NDRG3: variants seen among roughly 807,000 people sequenced by gnomAD.
NDRG3 encodes the protein NDRG family member 3, also known as protein NDRG3.
NDRG3 carries 23 observed loss-of-function variants against 57.2 expected under a neutral mutation model. That is an observed-to-expected ratio of 0.40 (90% CI 0.29 to 0.57). The LOEUF (loss-of-function observed/expected upper bound fraction) is 0.57. Among genes scored for constraint, NDRG3 ranks in the 20% least tolerant of loss-of-function variants. NDRG3 has a pLI of 0.42. For missense variants in NDRG3, 384 were observed against 457.3 expected (o/e 0.84, Z 1.46); for synonymous variants, 132 against 162.6 (o/e 0.81, Z 1.43).
At chr20:36,726,293 T>C (rs1984930496) in intron 1 of NDRG3, among the ~76,000 whole-genome samples, 1 of 152,086 alleles carries the variant, frequency 6.6e-6, no homozygotes, top group African/African-American at 2.4e-5. Context: ...AAGACACAAA[T>C]TAAATGAGAA....
At chr20:36,654,229 T>A (rs758846491) in intron 15 of NDRG3, among the ~76,000 whole-genome samples, 5 of 152,128 alleles carry the variant, frequency 3.3e-5, no homozygotes, top group Admixed American at 2.6e-4. Context: ...GGAGCTGACC[T>A]CAACACAGGG....
intron 1 of NDRG3, among the ~76,000 whole-genome samples, chr20:36,736,120 C>A (rs1335633214): frequency 6.6e-6 from 1 of 152,062 alleles, no homozygotes; most frequent in Non-Finnish European, 1.5e-5. Context: ...CTGAAGGTTT[C>A]TGAGGAGCAG....
At chr20:36,744,516 C>A (rs1279464299) in intron 1 of NDRG3, among the ~76,000 whole-genome samples, 1 of 151,980 alleles carries the variant, frequency 6.6e-6, no homozygotes, top group African/African-American at 2.4e-5. Flanking sequence ...AGGCTAAGAC[C>A]CTGTTTTGTG....
rs6016208 is a variant in NDRG3, at chr20:36,683,972, C to T, written c.383+441G>A. On this transcript the variant is annotated intron_variant, in intron 6 of 15. Coordinates refer to ENST00000349004, the MANE Select transcript of NDRG3 (RefSeq NM_032013.4). ...ACCATTCTCTTCTCAGTGAGATGAA[C>T]GTTTTTAAAAAAATTTAAACAGCTT... 3.6e-4 allele frequency among the ~76,000 whole-genome samples: 55 copies of T among 152,154 alleles called. 1 individual carries two copies. The South Asian group carries it at 9.8e-3, about 27-fold the overall frequency.
intron 3 of NDRG3, among the ~76,000 whole-genome samples, chr20:36,699,709 T>G (rs1256043351): frequency 6.6e-6 from 1 of 151,922 alleles, no homozygotes; most frequent in African/African-American, 2.4e-5. Context: ...TGTGTGTGTG[T>G]GTGTGGGTAC....
At chr20:36,664,271 C>CA (rs1212217641) in intron 12 of NDRG3, among the ~76,000 whole-genome samples, 1 of 152,040 alleles carries the variant, frequency 6.6e-6, no homozygotes, top group Non-Finnish European at 1.5e-5. Flanking sequence ...CTACGTAAGG[C>CA]AAAAAATAAT....
chr20:36,694,774 T>G (rs1464716333), intron 3 of NDRG3, among the ~76,000 whole-genome samples: 3 of 152,162 alleles, frequency 2.0e-5, no homozygotes, highest in Non-Finnish European at 2.9e-5. Flanking sequence ...TATTTATTTT[T>G]TGAGACAGGG....
chr20:36,711,295 T>TAATA (rs371914338), intron 2 of NDRG3, among the ~76,000 whole-genome samples: 4,240 of 150,318 alleles, frequency 0.028, 236 homozygotes, highest in African/African-American at 0.097. Context: ...AAAATAATAA[T>TAATA]AATAAATAAA....
chr20:36,679,792 C>T (rs1325288420), intron 8 of NDRG3, among the ~76,000 whole-genome samples: 3 of 151,946 alleles, frequency 2.0e-5, no homozygotes, highest in African/African-American at 4.8e-5. Flanking sequence ...GCGTGAGCCA[C>T]CGCGCCTGGC....
At chr20:36,698,943 G>T (rs1336326889) in intron 3 of NDRG3, among the ~76,000 whole-genome samples, 1 of 151,732 alleles carries the variant, frequency 6.6e-6, no homozygotes, top group Non-Finnish European at 1.5e-5. Flanking sequence ...ATACATATAC[G>T]TACACATATA....
At chr20:36,675,399 TG>T (rs937563890) in intron 8 of NDRG3, among the ~76,000 whole-genome samples, 1 of 55,716 alleles carries the variant, frequency 1.8e-5, no homozygotes, top group African/African-American at 6.1e-5. Flanking sequence ...TTTTGGGGGG[TG>T]GGGGGGATGG....
intron 2 of NDRG3, among the ~76,000 whole-genome samples, chr20:36,717,131 T>C (rs1285730022): frequency 6.6e-6 from 1 of 152,212 alleles, no homozygotes; most frequent in Admixed American, 6.5e-5. Context: ...GGTTGCTTCT[T>C]TTCATCACTA....
intron 3 of NDRG3, among the ~76,000 whole-genome samples, chr20:36,691,419 GAAATAAAGT>G (rs1982255796): frequency 6.6e-6 from 1 of 152,140 alleles, no homozygotes; most frequent in African/African-American, 2.4e-5. Context: ...AACTGGCTAT[GAAATAAAGT>G]ATAGGCCAGG....
intron 8 of NDRG3, 84 bp from the exon 9 acceptor site, chr20:36,671,481 TTA>T: frequency 1.0e-6 from 1 of 965,674 alleles, no homozygotes; most frequent in African/African-American, 1.6e-5. Context: ...GTGCACTTTA[TTA>T]TATATGTTAT....
intron 8 of NDRG3, among the ~76,000 whole-genome samples, chr20:36,680,105 T>C (rs1981126660): frequency 6.6e-6 from 1 of 151,542 alleles, no homozygotes; most frequent in African/African-American, 2.4e-5. Context: ...ATTACAGGCA[T>C]GAGCCACCGT....
At position 36,653,784 on chromosome 20, in the gene NDRG3, T is replaced by A. The variant is rs1000698191; in HGVS notation, c.947-83A>T. ...TAGGAGTCTCATCAAAGTCTTTATGTTTAGCTTTTCCGACTCATTTACCAT... is the reference window on the plus strand; with the variant it reads ...TAGGAGTCTCATCAAAGTCTTTATGATTAGCTTTTCCGACTCATTTACCAT... On this transcript the variant is annotated intron_variant, in intron 15 of 15. Transcript: ENST00000349004. This position sits in a 1 kb window ranked among gnomAD's most constrained non-coding sequence, Gnocchi z 4.2. 2.3e-5 allele frequency: 30 copies of A among 1,326,544 alleles called. No homozygotes were observed. The African/African-American group carries it at 4.2e-4, about 19-fold the overall frequency. 82.2% of individuals were successfully genotyped at this position (1,326,544 alleles called of 1,614,324 possible).
chr20:36,696,985 G>T (rs1982847299), intron 3 of NDRG3, among the ~76,000 whole-genome samples: 2 of 152,066 alleles, frequency 1.3e-5, no homozygotes, highest in South Asian at 4.1e-4. Context: ...GTGTTTGAGG[G>T]CAAGTAGAAC....
At chr20:36,731,778 C>G (rs1230248842) in intron 1 of NDRG3, among the ~76,000 whole-genome samples, 10 of 151,248 alleles carry the variant, frequency 6.6e-5, no homozygotes, top group Non-Finnish European at 1.5e-4. Flanking sequence ...CCACTGTGCT[C>G]CAGCCTGGGC....
chr20:36,741,666 C>T (rs149761867), intron 1 of NDRG3, among the ~76,000 whole-genome samples: 2 of 152,278 alleles, frequency 1.3e-5, no homozygotes, highest in African/African-American at 2.4e-5. Flanking sequence ...CTGACTCACA[C>T]GCACTTTTTT....
Sources: allele counts gnomAD v4.1 joint callset (sites outside exome capture counted in the v4.1 genomes callset), GRCh38; gene constraint gnomAD v4.1.1; non-coding constraint Gnocchi (gnomAD v3.1); transcripts MANE v1.5; gene names NCBI Gene and HGNC (gene_info 2026-07-23, HGNC 2026-07-21).